RASL11A: variants seen among roughly 807,000 people sequenced by gnomAD.
The protein encoded by RASL11A is RAS like family 11 member A.
RASL11A carries 14 observed loss-of-function variants against 17.1 expected under a neutral mutation model. That is an observed-to-expected ratio of 0.82 (90% CI 0.54 to 1.28). The LOEUF (loss-of-function observed/expected upper bound fraction) is 1.28. Ranked by LOEUF, RASL11A falls within the 50% of genes most tolerant of loss-of-function variation. The pLI is 0.00. For missense variants in RASL11A, 283 were observed against 312.3 expected (o/e 0.91, Z 0.71); for synonymous variants, 146 against 132.5 (o/e 1.10, Z -0.70).
Position 27,273,039 on chromosome 13 carries a change from CT to C in RASL11A, c.275del (p.Leu92ProfsTer74), listed in dbSNP as rs746147146. The C allele has an allele frequency of 1.2e-6, 2 of 1,613,598 alleles. No homozygotes were observed. The highest frequency in any genetic ancestry group is 1.7e-6 in the Non-Finnish European group (2 of 1,179,518). ...TPGGVQIQDS[L>X]PQVVDSLSKC... ...GATGTTTTCTCAGATCCAAGACAGCCTCCCCCAGGTCGTCGATTCCCTGTCC... is the reference window on the plus strand; with the variant it reads ...GATGTTTTCTCAGATCCAAGACAGCCCCCCCAGGTCGTCGATTCCCTGTCC... On this transcript the variant is annotated frameshift_variant, in exon 4 of 4. Transcript: ENST00000241463. LOFTEE classifies it low-confidence loss of function (END_TRUNC).
intron 1 of RASL11A, 89 bp from the exon 2 acceptor site, chr13:27,271,395 C>T (rs1031458652): frequency 1.3e-6 from 2 of 1,573,012 alleles, no homozygotes. Context: ...CACGGTTCTG[C>T]ACCCTTCACT....
rs11304490 is a variant in RASL11A at position 27,273,690 on chromosome 13, C to CTT, written c.*225_*226dup. 1,080 of 72,446 alleles carry CTT rather than the reference C, an allele frequency of 0.015. 66 individuals are homozygous for CTT. The highest frequency in any genetic ancestry group is 0.025 in the African/African-American group (387 of 15,354). The allele number at this position is 72,446 out of a possible 1,614,324, so 4.5% of individuals were successfully genotyped here. A position where few individuals can be genotyped will look rare whatever the true frequency, so the allele number is the denominator to read the frequency against. On this transcript the variant is annotated 3_prime_UTR_variant, in exon 4 of 4. Transcript: ENST00000241463. ...ATTTTGTTTTGTTTTATTAAAAGAA[C>CTT]TTTTTTTTTTTTTTTTTTTTTTTTT... is the stretch of plus-strand genomic sequence containing the variant.
chr13:27,272,870 A>G (rs1882336660), intron 3 of RASL11A, among the ~76,000 whole-genome samples, 157 bp from the exon 4 acceptor site: 1 of 152,190 alleles, frequency 6.6e-6, no homozygotes, highest in East Asian at 1.9e-4. Flanking sequence ...TTCTTTCCAT[A>G]TCAAAAGCCT....
At chr13:27,271,833 C>A in intron 3 of RASL11A, 115 bp downstream of exon 3, 2 of 795,392 alleles carry the variant, frequency 2.5e-6, no homozygotes, top group Non-Finnish European at 4.1e-6. Flanking sequence ...TCTAAACCGA[C>A]CTGTGCGTTT....
chr13:27,273,282 T>G lies in RASL11A; in HGVS notation c.517T>G (p.Phe173Val). 1 of 1,614,218 alleles carries G rather than the reference T, an allele frequency of 6.2e-7. No homozygotes were observed. Among genetic ancestry groups the G allele is most frequent in the Non-Finnish European group, 8.5e-7 (1 of 1,180,038 alleles). The change falls in exon 4 of 4, where the codon TTC becomes GTC. Residue 173 changes from phenylalanine (F) to valine (V), a missense_variant. Coordinates refer to ENST00000241463, the MANE Select transcript of RASL11A (RefSeq NM_206827.2). ...GCTAGCCAATGAGCTGGGCAGCCTG[T>G]TCCTTGAAATTTCCACTAGCGAAAA... ...IQLANELGSL[F>V]LEISTSENYE...
chr13:27,272,127 C>CT (rs1882311652), intron 3 of RASL11A, among the ~76,000 whole-genome samples: 1 of 152,134 alleles, frequency 6.6e-6, no homozygotes, highest in African/African-American at 2.4e-5. Context: ...GCAAGCTCTG[C>CT]TTTTTTTGAG....
rs1187737559 is a variant in RASL11A, at chr13:27,273,160, G to C, written c.395G>C (p.Arg132Pro). 1.9e-6 allele frequency: 3 copies of C among 1,614,144 alleles called. No homozygotes were observed. In the South Asian group the frequency reaches 3.3e-5, roughly 18 times the overall value. ...LSIRPLYQHI[R>P]KVHPDSKAPV... is the part of the protein sequence containing the mutation. Reference sequence around the variant, plus strand: ...ATCCGACCCCTTTATCAGCACATCCGGAAGGTCCACCCTGACTCTAAAGCC... The same window carrying C: ...ATCCGACCCCTTTATCAGCACATCCCGAAGGTCCACCCTGACTCTAAAGCC... The change falls in exon 4 of 4, where the codon CGG becomes CCG. Residue 132 changes from arginine (R) to proline (P), a missense_variant. Coordinates refer to ENST00000241463, the MANE Select transcript of RASL11A (RefSeq NM_206827.2).
chr13:27,271,176 C>T, intron 1 of RASL11A, 108 bp downstream of exon 1: 1 of 1,471,674 alleles, frequency 6.8e-7, no homozygotes, highest in Non-Finnish European at 8.9e-7. Flanking sequence ...GGCGCGGGTG[C>T]AGGTAGAATC....
intron 1 of RASL11A, 24 bp from the exon 2 acceptor site, chr13:27,271,460 T>C (rs201637515): frequency 3.5e-5 from 57 of 1,613,892 alleles, no homozygotes; most frequent in Middle Eastern, 3.3e-4. Context: ...ACTCCTTCGG[T>C]TGATTTTCCT....
rs750240268 is a variant in RASL11A at position 27,271,041 on chromosome 13, C to T, written c.97C>T (p.Leu33=). Reference sequence around the variant, plus strand: ...GCCCAAGGACATCAAACTGGCGGTGCTGGGCGCCGGCCGCGTGGGCAAGAG... The same window carrying T: ...GCCCAAGGACATCAAACTGGCGGTGTTGGGCGCCGGCCGCGTGGGCAAGAG... ...LLPKDIKLAV[L]GAGRVGKSAM... Residue 33 remains leucine, a synonymous_variant, in exon 1 of 4, where the codon CTG becomes TTG. Transcript: ENST00000241463. The T allele has an allele frequency of 1.1e-5, 17 of 1,581,938 alleles. No homozygotes were observed. The African/African-American group carries it at 2.3e-4, about 21-fold the overall frequency.
At chr13:27,271,430 G>C in intron 1 of RASL11A, 54 bp from the exon 2 acceptor site, 1 of 1,606,916 alleles carries the variant, frequency 6.2e-7, no homozygotes, top group Admixed American at 1.7e-5. Context: ...CGAGGTGCCT[G>C]GGTTTGACAG....
At position 27,270,838 on chromosome 13, in the gene RASL11A, G is replaced by GCCGCGGTCCCGGACCTCTAGTC. The variant is rs1882254077; in HGVS notation, c.-102_-81dup. The GCCGCGGTCCCGGACCTCTAGTC allele has an allele frequency of 3.5e-6, 5 of 1,437,264 alleles. No individual in the cohort carries two copies. Among genetic ancestry groups the GCCGCGGTCCCGGACCTCTAGTC allele is most frequent in the African/African-American group, 1.5e-5 (1 of 68,340 alleles). The allele number at this position is 1,437,264 out of a possible 1,614,324, so 89.0% of individuals were successfully genotyped here. ...GGCCTTGACAGTTCTGCAGGCAGCC[G>GCCGCGGTCCCGGACCTCTAGTC]CCGCGGTCCCGGACCTCTAGTCCCG... On this transcript the variant is annotated 5_prime_UTR_variant, in exon 1 of 4. Coordinates refer to ENST00000241463, the MANE Select transcript of RASL11A (RefSeq NM_206827.2).
At chr13:27,272,331 C>A (rs1259295191) in intron 3 of RASL11A, among the ~76,000 whole-genome samples, 1 of 152,186 alleles carries the variant, frequency 6.6e-6, no homozygotes, top group Non-Finnish European at 1.5e-5. Context: ...TGGGGTTTCA[C>A]TATGTTGGCC....
In RASL11A at chr13:27,271,527, T is replaced by A; in HGVS notation, c.168T>A (p.Tyr56Ter). Residue 56 changes from tyrosine (Y) to a stop codon, truncating the protein, a stop_gained, in exon 2 of 4, where the codon TAT (tyrosine) becomes TAA (stop). Transcript: ENST00000241463. LOFTEE classifies it high-confidence loss of function. The stretch of plus-strand genomic sequence containing the variant: ...TGACCAAGAGATTCATTGGAGACTA[T>A]GAACCGAATACAGGTGAGAATACTT... ...RFLTKRFIGD[Y>*]EPNTGKLYSR... 1 of 1,614,238 alleles carries A rather than the reference T, an allele frequency of 6.2e-7. No homozygotes were observed. The highest frequency in any genetic ancestry group is 1.1e-5 in the South Asian group (1 of 91,088).
rs1157607010 is a variant in RASL11A at position 27,271,069 on chromosome 13, G to T, written c.124+1G>T. The stretch of plus-strand genomic sequence containing the variant: ...GGCGCCGGCCGCGTGGGCAAGAGCG[G>T]TGAGTGCGGCGGGGACCCCCGGGCG... On this transcript the variant is annotated splice_donor_variant, in intron 1 of 3. Transcript: ENST00000241463. LOFTEE classifies it high-confidence loss of function. The T allele has an allele frequency of 1.9e-6, 3 of 1,569,382 alleles. No homozygotes were observed. Among genetic ancestry groups the T allele is most frequent in the Non-Finnish European group, 2.6e-6 (3 of 1,157,224 alleles).
chr13:27,273,413 C>T lies in RASL11A; in HGVS notation c.648C>T (p.Arg216=). The T allele has an allele frequency of 1.2e-6, 2 of 1,614,206 alleles. No homozygotes were observed. The highest frequency in any genetic ancestry group is 1.7e-6 in the Non-Finnish European group (2 of 1,180,026). The stretch of plus-strand genomic sequence containing the variant: ...GAGCCTCCATCATCCCTCGGCCCCG[C>T]TCTCCCAACATGCAGGACCTGAAGA... ...RRRASIIPRP[R]SPNMQDLKRR... The change falls in exon 4 of 4, where the codon CGC becomes CGT. Residue 216 remains arginine, a synonymous_variant. Transcript: ENST00000241463.
At chr13:27,271,136 C>G in intron 1 of RASL11A, 68 bp downstream of exon 1, 2 of 1,510,302 alleles carry the variant, frequency 1.3e-6, no homozygotes, top group Non-Finnish European at 1.8e-6. Context: ...GGGGGCGCTG[C>G]GGAGAGAGGG....
Position 27,271,672 on chromosome 13 carries a change from G to GTCTAT in RASL11A, c.215_216insTCTAT (p.Asp73LeufsTer95). 6.2e-7 allele frequency: 1 copy of GTCTAT among 1,613,508 alleles called. No homozygotes were observed. Among genetic ancestry groups the GTCTAT allele is most frequent in the Non-Finnish European group, 8.5e-7 (1 of 1,179,882 alleles). ...TATTCACGGCTGGTCTATGTCGAGG[G>GTCTAT]GGACCAGCTCTCCCTGCAGATCCAG... On this transcript the variant is annotated frameshift_variant, in exon 3 of 4. Transcript: ENST00000241463. LOFTEE classifies it high-confidence loss of function.
chr13:27,271,148 G>A (rs1392346807), intron 1 of RASL11A, 80 bp downstream of exon 1: 1 of 1,493,650 alleles, frequency 6.7e-7, no homozygotes, highest in South Asian at 1.4e-5. Flanking sequence ...GAGAGAGGGC[G>A]CCTCGGCCGA....
Sources: gnomAD v4.1 joint callset for allele counts (sites outside exome capture counted in the v4.1 genomes callset) on GRCh38, gnomAD v4.1.1 for gene constraint, MANE v1.5 for transcripts, NCBI Gene and HGNC (gene_info 2026-07-23, HGNC 2026-07-21) for gene names.